DENND3: variants seen among roughly 807,000 people sequenced by gnomAD.
DENND3 encodes the protein DENN domain containing 3.
DENND3 carries 88 observed loss-of-function variants against 135.1 expected under a neutral mutation model. That is an observed-to-expected ratio of 0.65 (90% CI 0.55 to 0.78). The LOEUF is 0.78. Among genes scored for constraint, DENND3 ranks in the 30% least tolerant of loss-of-function variants. The pLI, the probability that DENND3 is intolerant of heterozygous loss-of-function variation, is 0.00. For synonymous variants in DENND3, 693 were observed against 712.3 expected, an observed-to-expected ratio of 0.97 and a Z score of 0.43; for missense variants, 1,392 against 1,688.4, an observed-to-expected ratio of 0.82 and a Z score of 3.08.
At position 141,166,320 on chromosome 8, in the gene DENND3, C is replaced by A. The variant is rs556706834; in HGVS notation, c.1684C>A (p.Pro562Thr). 3 of 1,613,884 alleles carry A rather than the reference C, an allele frequency of 1.9e-6. No homozygotes were observed. In the Admixed American group the frequency reaches 5.0e-5, roughly 27 times the overall value. ...SMPNLQDIAM[P>T]ELAPRNSSLR... is the part of the protein sequence containing the mutation. Reference sequence around the variant, plus strand: ...GCCCAACCTGCAGGACATTGCCATGCCTGAGCTGGCACCCAGGAACTCCTC... The same window carrying A: ...GCCCAACCTGCAGGACATTGCCATGACTGAGCTGGCACCCAGGAACTCCTC... The change falls in exon 12 of 23, where the codon CCT becomes ACT. Residue 562 changes from proline (P) to threonine (T), a missense_variant. Pro to Thr is a conservative substitution (Grantham distance 38). Transcript: ENST00000519811. The surrounding 1 kb of genome is among the most constrained non-coding windows in gnomAD (Gnocchi z 4.3).
chr8:141,160,469 C>T (rs879856330), intron 8 of DENND3, among the ~76,000 whole-genome samples, 163 bp from the exon 9 acceptor site: 4 of 152,188 alleles, frequency 2.6e-5, no homozygotes, highest in Admixed American at 6.5e-5. Context: ...CGTGAGCCAC[C>T]GCGTCCAGCC....
rs1304511634 is a variant in DENND3 at position 141,137,991 on chromosome 8, A to G, written c.386-31A>G. On this transcript the variant is annotated intron_variant, in intron 2 of 22. Coordinates refer to ENST00000519811, the MANE Select transcript of DENND3 (RefSeq NM_001352890.3). The surrounding 1 kb of genome is among the most constrained non-coding windows in gnomAD (Gnocchi z 4.1). ...GTAACCCAGGCCACTTGGCAAGAAC[A>G]GGATTCTTCTCTGTCTCTTTCTGCC... The G allele has an allele frequency of 1.3e-6, 2 of 1,564,052 alleles. No homozygotes were observed. The highest frequency in any genetic ancestry group is 1.4e-5 in the African/African-American group (1 of 73,758).
chr8:141,177,969 G>T (rs1242904380), intron 15 of DENND3, 98 bp from the exon 16 acceptor site: 19 of 1,422,100 alleles, frequency 1.3e-5, no homozygotes, highest in Non-Finnish European at 1.6e-5. Flanking sequence ...TTGGAAAAAG[G>T]CATTTTGGAA....
intron 5 of DENND3, among the ~76,000 whole-genome samples, chr8:141,149,561 T>C (rs1818537416): frequency 6.6e-6 from 1 of 152,200 alleles, no homozygotes; most frequent in African/African-American, 2.4e-5. Flanking sequence ...GGGTTGAGGG[T>C]GGACGGAGGC....
chr8:141,170,191 T>C (rs2154613221), intron 13 of DENND3, among the ~76,000 whole-genome samples: 1 of 152,390 alleles, frequency 6.6e-6, no homozygotes, highest in Non-Finnish European at 1.5e-5. Flanking sequence ...CTTGGGCTGC[T>C]TGTCCTTTCC....
chr8:141,141,356 A>G lies in DENND3; in HGVS notation c.623+32A>G, dbSNP rs1407774323. The G allele has an allele frequency of 1.5e-6, 2 of 1,341,432 alleles. No individual in the cohort carries two copies. The highest frequency in any genetic ancestry group is 9.9e-7 in the Non-Finnish European group (1 of 1,013,526). The allele number at this position is 1,341,432 out of a possible 1,614,324, so 83.1% of individuals were successfully genotyped here. On this transcript the variant is annotated intron_variant, in intron 4 of 22. Transcript: ENST00000519811. This position sits in a 1 kb window ranked among gnomAD's most constrained non-coding sequence, Gnocchi z 5.3. Reference sequence around the variant, plus strand: ...TGGGGCACCGGGGGCCAGGGGTGGTAGGGGGCAGCTCTTTGTGCCTCTCCA... The same window carrying G: ...TGGGGCACCGGGGGCCAGGGGTGGTGGGGGGCAGCTCTTTGTGCCTCTCCA...
intron 18 of DENND3, among the ~76,000 whole-genome samples, chr8:141,187,693 T>A (rs1043326401): frequency 4.0e-5 from 6 of 151,848 alleles, no homozygotes; most frequent in African/African-American, 1.5e-4. Flanking sequence ...AAACTTTACA[T>A]GTTAGAAGGT....
chr8:141,186,640 G>T (rs991567129), intron 18 of DENND3, among the ~76,000 whole-genome samples: 1 of 152,176 alleles, frequency 6.6e-6, no homozygotes, highest in Non-Finnish European at 1.5e-5. Flanking sequence ...GCACACCCCT[G>T]ATTTAAAGCA....
At chr8:141,193,002 A>G in intron 22 of DENND3, 1 of 881,344 alleles carries the variant, frequency 1.1e-6, no homozygotes, top group Non-Finnish European at 1.5e-6. Flanking sequence ...GGGAGCGTGC[A>G]CTCCAGGCCC....
intron 8 of DENND3, among the ~76,000 whole-genome samples, chr8:141,159,357 A>G (rs1328175358): frequency 6.6e-6 from 1 of 151,374 alleles, no homozygotes; most frequent in African/African-American, 2.4e-5. Flanking sequence ...CCTGGCCCAC[A>G]CTCCCACTCC....
chr8:141,185,003 G>T (rs1426227469), intron 17 of DENND3, 136 bp from the exon 18 acceptor site: 20 of 1,159,004 alleles, frequency 1.7e-5, no homozygotes, highest in Non-Finnish European at 2.3e-5. Flanking sequence ...GCCTGGGCAC[G>T]TCTTTGTACG....
At position 141,141,570 on chromosome 8, in the gene DENND3, A is replaced by T; in HGVS notation, c.623+246A>T. ...CGGGCGCTCCTCTCTGTGACTGGTA[A>T]CATACGGTAATGGCATGGTAGGAAA... On this transcript the variant is annotated intron_variant, in intron 4 of 22. Transcript: ENST00000519811. This position sits in a 1 kb window ranked among gnomAD's most constrained non-coding sequence, Gnocchi z 5.3. 1.9e-6 allele frequency: 1 copy of T among 530,068 alleles called. No individual in the cohort carries two copies. Among genetic ancestry groups the T allele is most frequent in the Non-Finnish European group, 3.4e-6 (1 of 294,452 alleles). The allele number at this position is 530,068 out of a possible 1,614,324, so 32.8% of individuals were successfully genotyped here.
chr8:141,128,876 C>A lies in DENND3; in HGVS notation c.102+67C>A. The stretch of plus-strand genomic sequence containing the variant: ...GGCAGCCGGGACAGCAGTCGGAGAG[C>A]GGGCGCCCGGGTGCCCTGTGGGTTG... On this transcript the variant is annotated intron_variant, in intron 1 of 22. Coordinates refer to ENST00000519811, the MANE Select transcript of DENND3 (RefSeq NM_001352890.3). This position sits in a 1 kb window ranked among gnomAD's most constrained non-coding sequence, Gnocchi z 4.5. The A allele has an allele frequency of 8.3e-7, 1 of 1,201,132 alleles. No individual in the cohort carries two copies. The highest frequency in any genetic ancestry group is 1.1e-6 in the Non-Finnish European group (1 of 917,948). 74.4% of individuals were successfully genotyped at this position (1,201,132 alleles called of 1,614,324 possible).
At position 141,141,250 on chromosome 8, in the gene DENND3, C is replaced by T. The variant is rs372243609; in HGVS notation, c.549C>T (p.Gly183=). The part of the protein sequence containing the change: ...YNGKTHRECP[G]CFVPFAVCVV... ...GCAAAACGCACCGGGAGTGTCCTGG[C>T]TGCTTCGTGCCCTTCGCGGTGTGCG... Residue 183 remains glycine, a synonymous_variant, in exon 4 of 23, where the codon GGC becomes GGT. Coordinates refer to ENST00000519811, the MANE Select transcript of DENND3 (RefSeq NM_001352890.3). The surrounding 1 kb of genome is among the most constrained non-coding windows in gnomAD (Gnocchi z 5.3). The T allele has an allele frequency of 3.7e-6, 6 of 1,614,136 alleles. No homozygotes were observed. The African/African-American group carries it at 8.0e-5, about 22-fold the overall frequency.
chr8:141,134,239 A>G (rs537240253), intron 1 of DENND3, among the ~76,000 whole-genome samples: 66 of 152,268 alleles, frequency 4.3e-4, no homozygotes, highest in African/African-American at 1.5e-3. Context: ...TGCATGCTAC[A>G]CTAGAGCTTT....
chr8:141,149,848 T>A (rs1818576294), intron 5 of DENND3, among the ~76,000 whole-genome samples: 1 of 152,212 alleles, frequency 6.6e-6, no homozygotes, highest in African/African-American at 2.4e-5. Context: ...AACGCTGGTG[T>A]CCCCACCACC....
intron 1 of DENND3, among the ~76,000 whole-genome samples, chr8:141,132,985 T>C (rs1217793202): frequency 2.0e-5 from 3 of 152,110 alleles, no homozygotes; most frequent in African/African-American, 7.2e-5. Flanking sequence ...CAATCTCTGC[T>C]CCACCGCATC....
In DENND3 at chr8:141,182,369, C is replaced by A. The variant is rs1196453254; in HGVS notation, c.2944+1515C>A. 5 of 985,310 alleles carry A rather than the reference C, an allele frequency of 5.1e-6. No homozygotes were observed. Among genetic ancestry groups the A allele is most frequent in the Non-Finnish European group, 4.8e-6 (4 of 829,932 alleles). 61.0% of individuals were successfully genotyped at this position (985,310 alleles called of 1,614,324 possible). A position where few individuals can be genotyped will look rare whatever the true frequency, so the allele number is the denominator to read the frequency against. On this transcript the variant is annotated intron_variant, in intron 17 of 22. Transcript: ENST00000519811. This position sits in a 1 kb window ranked among gnomAD's most constrained non-coding sequence, Gnocchi z 5.9. ...AGACCCTGGCTGAGTGAGCAGGCAG[C>A]GTCATCAGGGCCGCCCCGCGTGAGC... is the stretch of plus-strand genomic sequence containing the variant.
rs749660321 is a variant in DENND3, at chr8:141,141,078, C to T, written c.502-125C>T. ...ACCGGAGGGCCGGTGCTGGCTTGGA[C>T]GCGTTGCAGGGGTGGGGATGGTGGA... On this transcript the variant is annotated intron_variant, in intron 3 of 22. Coordinates refer to ENST00000519811, the MANE Select transcript of DENND3 (RefSeq NM_001352890.3). This position sits in a 1 kb window ranked among gnomAD's most constrained non-coding sequence, Gnocchi z 5.3. The T allele has an allele frequency of 2.0e-5, 29 of 1,446,954 alleles. No individual in the cohort carries two copies. The highest frequency in any genetic ancestry group is 5.3e-5 in the Admixed American group (3 of 56,984). 89.6% of individuals were successfully genotyped at this position (1,446,954 alleles called of 1,614,324 possible).
Sources: gnomAD v4.1 joint callset for allele counts (sites outside exome capture counted in the v4.1 genomes callset) on GRCh38, gnomAD v4.1.1 for gene constraint, Gnocchi (gnomAD v3.1) non-coding constraint, MANE v1.5 for transcripts, NCBI Gene and HGNC (gene_info 2026-07-23, HGNC 2026-07-21) for gene names.